ZSCAN5A: variants seen among roughly 807,000 people sequenced by gnomAD.
ZSCAN5A encodes the protein zinc finger and SCAN domain containing 5A.
In ZSCAN5A, 12 loss-of-function variants were observed where a neutral mutation model predicts 23.7. The observed-to-expected ratio is 0.51, with a 90% CI of 0.32 to 0.82. The LOEUF is 0.82. ZSCAN5A is among the 40% of genes least tolerant of loss of function. The pLI, the probability that ZSCAN5A is intolerant of heterozygous loss-of-function variation, is 0.03. For synonymous variants in ZSCAN5A, 257 were observed against 239.9 expected (o/e 1.07, Z -0.66); for missense variants, 597 against 617.9 (o/e 0.97, Z 0.36).
chr19:56,309,188 G>A (rs980315506), intron 2 of ZSCAN5A, among the ~76,000 whole-genome samples: 2 of 152,222 alleles, frequency 1.3e-5, no homozygotes, highest in African/African-American at 4.8e-5. Context: ...CTGAGTGAAA[G>A]AAGCAGACAC....
At chr19:56,222,472 G>A in intron 5 of ZSCAN5A, 119 bp downstream of exon 5, 4 of 1,549,498 alleles carry the variant, frequency 2.6e-6, no homozygotes, top group Non-Finnish European at 3.5e-6. Context: ...GAAAGTAGAG[G>A]ATGGGGAGGC....
rs116818790 is a variant in ZSCAN5A, at chr19:56,275,681, G to C, written c.-128+37602C>G. 6.2e-3 allele frequency among the ~76,000 whole-genome samples: 945 copies of C among 152,350 alleles called. 11 individuals carry two copies. Among genetic ancestry groups the C allele is most frequent in the African/African-American group, 0.022 (903 of 41,588 alleles). ...CAGGCTAAGCTTGAAGCACCTGTAAGATGTTTGGGACATCCATAGATAGCA... is the reference window on the plus strand; with the variant it reads ...CAGGCTAAGCTTGAAGCACCTGTAACATGTTTGGGACATCCATAGATAGCA... On this transcript the variant is annotated intron_variant, in intron 2 of 5. Transcript: ENST00000683990.
At chr19:56,231,782 C>T (rs985866995) in intron 2 of ZSCAN5A, among the ~76,000 whole-genome samples, 5 of 152,112 alleles carry the variant, frequency 3.3e-5, no homozygotes, top group African/African-American at 1.2e-4. Context: ...GGTTCCTGTG[C>T]CTGCATGTCC....
At chr19:56,311,693 A>G (rs1268465695) in intron 2 of ZSCAN5A, among the ~76,000 whole-genome samples, 5 of 152,184 alleles carry the variant, frequency 3.3e-5, no homozygotes, top group Admixed American at 6.5e-5. Flanking sequence ...AAGTTCCACG[A>G]TACATGTGCA....
chr19:56,264,767 C>T (rs913427293), intron 2 of ZSCAN5A, among the ~76,000 whole-genome samples: 1 of 152,184 alleles, frequency 6.6e-6, no homozygotes, highest in South Asian at 2.1e-4. Context: ...TACTATCTTG[C>T]TCTTGACAGA....
rs746111155 is a variant in ZSCAN5A at position 56,329,363 on chromosome 19, A to AAAAC, written c.-357-13099_-357-13096dup. ...GGCTCTGTCTCAGAAAACAAAAACA[A>AAAAC]AAACAAACAAACAAACAAAAGTTGA... On this transcript the variant is annotated intron_variant, in intron 2 of 6. Transcript: ENST00000587340. Among the ~76,000 whole-genome samples, 5 of 152,204 alleles carry AAAAC rather than the reference A, an allele frequency of 3.3e-5. No individual in the cohort carries two copies. In the South Asian group the frequency reaches 6.2e-4, roughly 19 times the overall value.
rs1048020344 is a variant in ZSCAN5A, at chr19:56,297,494, T to C, written c.-128+15789A>G. 3.1e-6 allele frequency: 3 copies of C among 983,542 alleles called. No homozygotes were observed. The African/African-American group carries it at 5.3e-5, about 17-fold the overall frequency. The allele number at this position is 983,542 out of a possible 1,614,324, so 60.9% of individuals were successfully genotyped here. A position where few individuals can be genotyped will look rare whatever the true frequency, so the allele number is the denominator to read the frequency against. Reference sequence around the variant, plus strand: ...CCTGCTTCTTTTTCTCCTCCATCTCTTCATTTTTAGAAGAAACAAGTGGCT... The same window carrying C: ...CCTGCTTCTTTTTCTCCTCCATCTCCTCATTTTTAGAAGAAACAAGTGGCT... On this transcript the variant is annotated intron_variant, in intron 2 of 5. Coordinates refer to ENST00000683990, the MANE Select transcript of ZSCAN5A (RefSeq NM_001322064.3).
chr19:56,317,732 G>C (rs2041331778), upstream of ZSCAN5A: 1 of 152,806 alleles, frequency 6.5e-6, no homozygotes, highest in Non-Finnish European at 1.5e-5. Flanking sequence ...GGCGGCCGAT[G>C]AAGAGCGAGG....
intron 4 of ZSCAN5A, among the ~76,000 whole-genome samples, chr19:56,223,058 A>AG: frequency 1.3e-5 from 2 of 152,248 alleles, no homozygotes; most frequent in South Asian, 4.1e-4. Context: ...GCATGACTCT[A>AG]GTCGAGGCCC....
At chr19:56,327,908 A>C (rs1267692527) in intron 2 of ZSCAN5A, among the ~76,000 whole-genome samples, 1 of 152,102 alleles carries the variant, frequency 6.6e-6, no homozygotes, top group African/African-American at 2.4e-5. Context: ...TATGTGTAGT[A>C]TAGATAATTC....
chr19:56,264,776 GAA>G (rs1255194636), intron 2 of ZSCAN5A, among the ~76,000 whole-genome samples: 5 of 152,288 alleles, frequency 3.3e-5, no homozygotes, highest in South Asian at 4.1e-4. Flanking sequence ...GCTCTTGACA[GAA>G]AAAGTTTTCC....
rs367880708 is a variant in ZSCAN5A, at chr19:56,224,804, C to T, written c.243G>A (p.Glu81=). The part of the protein sequence containing the change: ...LWLRPDLHTK[E]QILDMLVMEQ... ...CCATCACCAGCATGTCCAGGATCTG[C>T]TCTTTGGTGTGGAGGTCGGGCCTCA... Residue 81 remains glutamate, a synonymous_variant, in exon 3 of 6, where the codon GAG becomes GAA. Coordinates refer to ENST00000683990, the MANE Select transcript of ZSCAN5A (RefSeq NM_001322064.3). 3 of 1,611,584 alleles carry T rather than the reference C, an allele frequency of 1.9e-6. No individual in the cohort carries two copies. The highest frequency in any genetic ancestry group is 2.7e-5 in the African/African-American group (2 of 74,958).
chr19:56,326,188 C>T lies in ZSCAN5A; in HGVS notation c.-357-9920G>A, dbSNP rs568827538. 6.1e-3 allele frequency among the ~76,000 whole-genome samples: 932 copies of T among 152,138 alleles called. 3 individuals are homozygous for T. The highest frequency in any genetic ancestry group is 0.01 in the Middle Eastern group (3 of 294). On this transcript the variant is annotated intron_variant, in intron 2 of 6. Transcript: ENST00000587340. The stretch of plus-strand genomic sequence containing the variant: ...TCCTGACCTCGTGATCGGCCCGCCT[C>T]GGCCTCCCAAAATGCTGGGATTACA...
At chr19:56,316,946 C>T (rs1307578489), upstream of ZSCAN5A, 3 of 152,332 alleles carry the variant, frequency 2.0e-5, no homozygotes, top group African/African-American at 7.2e-5. Flanking sequence ...AAGCAATCCT[C>T]CCACCTCCGC....
chr19:56,244,925 C>T (rs1003570820), intron 2 of ZSCAN5A, among the ~76,000 whole-genome samples: 1 of 152,128 alleles, frequency 6.6e-6, no homozygotes, highest in Non-Finnish European at 1.5e-5. Flanking sequence ...AAATGAGCCC[C>T]TAAGTTCTAA....
chr19:56,237,961 C>CA (rs1305957282), intron 2 of ZSCAN5A, among the ~76,000 whole-genome samples: 1 of 2,764 alleles, frequency 3.6e-4, no homozygotes, highest in Non-Finnish European at 1.1e-3. Flanking sequence ...AAGTGTTTCA[C>CA]CACAGACACA....
chr19:56,314,997 G>A (rs1271096561), upstream of ZSCAN5A: 2 of 152,264 alleles, frequency 1.3e-5, no homozygotes, highest in Non-Finnish European at 2.9e-5. Context: ...GTGAGTGAAA[G>A]CATCTAACAA....
chr19:56,327,647 A>G (rs1383862895), intron 2 of ZSCAN5A, among the ~76,000 whole-genome samples: 1 of 151,460 alleles, frequency 6.6e-6, no homozygotes, highest in Non-Finnish European at 1.5e-5. Flanking sequence ...AAGTGCATGC[A>G]TATCTTATAC....
At chr19:56,272,034 A>T (rs758833768) in intron 2 of ZSCAN5A, among the ~76,000 whole-genome samples, 3 of 152,204 alleles carry the variant, frequency 2.0e-5, no homozygotes, top group Non-Finnish European at 4.4e-5. Flanking sequence ...GTATCACATT[A>T]GCCTGGAAAT....
Sources: gnomAD v4.1 joint callset for allele counts (sites outside exome capture counted in the v4.1 genomes callset) on GRCh38, gnomAD v4.1.1 for gene constraint, MANE v1.5 for transcripts, NCBI Gene and HGNC (gene_info 2026-07-23, HGNC 2026-07-21) for gene names.